The following PCNX1 variants were observed in gnomAD, a reference collection of about 807,000 sequenced individuals.
PCNX1 encodes the protein pecanex-like protein 1.
Under a neutral mutation model 242.2 loss-of-function variants are expected in PCNX1, and 78 were observed. That is an observed-to-expected ratio of 0.32 (90% CI 0.27 to 0.39). The LOEUF (loss-of-function observed/expected upper bound fraction) is 0.39. Ranked by LOEUF, PCNX1 falls within the 10% of genes least tolerant of loss-of-function variation. The probability of loss-of-function intolerance (pLI) is 1.00; values close to 1 mark genes in which losing one functional copy is unlikely to be tolerated. For synonymous variants in PCNX1, 1,024 were observed against 1,032.9 expected (o/e 0.99, Z 0.17); for missense variants, 2,581 against 2,856.5 (o/e 0.90, Z 2.20).
At chr14:70,976,269 G>T (rs955368275) in intron 5 of PCNX1, among the ~76,000 whole-genome samples, 4 of 152,100 alleles carry the variant, frequency 2.6e-5, no homozygotes, top group Non-Finnish European at 5.9e-5. Flanking sequence ...ATTTACAGGG[G>T]GGTAACCCAA....
chr14:70,947,969 T>A (rs2057526185), intron 2 of PCNX1, among the ~76,000 whole-genome samples: 1 of 152,188 alleles, frequency 6.6e-6, no homozygotes, highest in Admixed American at 6.5e-5. Context: ...AAATATGCCC[T>A]GGTCTCCAGC....
At chr14:70,965,151 C>T (rs2058338922) in intron 3 of PCNX1, among the ~76,000 whole-genome samples, 1 of 151,102 alleles carries the variant, frequency 6.6e-6, no homozygotes, top group Non-Finnish European at 1.5e-5. Flanking sequence ...CTGCCTTTCT[C>T]CCTTTCATCT....
intron 5 of PCNX1, among the ~76,000 whole-genome samples, chr14:70,973,250 C>T (rs1028000138): frequency 2.3e-5 from 3 of 132,380 alleles, no homozygotes; most frequent in African/African-American, 8.3e-5. Flanking sequence ...AACACTCTGT[C>T]TCAAAAAAAA....
chr14:70,939,211 T>C (rs897374297), intron 1 of PCNX1, among the ~76,000 whole-genome samples: 1 of 152,240 alleles, frequency 6.6e-6, no homozygotes, highest in Non-Finnish European at 1.5e-5. Context: ...CTAGTTCTTT[T>C]AATTGTGATG....
intron 32 of PCNX1, among the ~76,000 whole-genome samples, chr14:71,103,984 C>T (rs1233544374): frequency 5.9e-5 from 9 of 152,088 alleles, no homozygotes; most frequent in Non-Finnish European, 1.2e-4. Flanking sequence ...AATATTTGTT[C>T]TGTACAAACG....
Position 71,026,265 on chromosome 14 carries a change from T to C in PCNX1, c.3332T>C (p.Ile1111Thr), listed in dbSNP as rs777238078. The C allele has an allele frequency of 1.2e-6, 2 of 1,606,148 alleles. No homozygotes were observed. Among genetic ancestry groups the C allele is most frequent in the Non-Finnish European group, 1.7e-6 (2 of 1,175,768 alleles). ...GITFTNPLVFISARDLVIVFT... is the reference protein window; with the variant it reads ...GITFTNPLVFTSARDLVIVFT... Reference sequence around the variant, plus strand: ...ACTTTCACCAATCCACTGGTGTTTATATCAGCCAGGGATTTAGTTATAGGT... The same window carrying C: ...ACTTTCACCAATCCACTGGTGTTTACATCAGCCAGGGATTTAGTTATAGGT... The change falls in exon 14 of 36, where the codon ATA becomes ACA. Residue 1111 changes from isoleucine (I) to threonine (T), a missense_variant. Transcript: ENST00000304743.
chr14:70,911,367 T>G (rs535040191), intron 1 of PCNX1, among the ~76,000 whole-genome samples: 66 of 152,298 alleles, frequency 4.3e-4, no homozygotes, highest in African/African-American at 1.5e-3. Context: ...CAAACACTTT[T>G]GGTGTTTATT....
chr14:70,930,110 A>T (rs2056737623), intron 1 of PCNX1, among the ~76,000 whole-genome samples: 1 of 151,206 alleles, frequency 6.6e-6, no homozygotes, highest in Non-Finnish European at 1.5e-5. Context: ...GCCTGTGCAT[A>T]TGTTGTGTGT....
In PCNX1 at chr14:70,977,382, A is replaced by G; in HGVS notation, c.1045A>G (p.Thr349Ala). The G allele has an allele frequency of 6.2e-7, 1 of 1,614,146 alleles. No homozygotes were observed. The highest frequency in any genetic ancestry group is 8.5e-7 in the Non-Finnish European group (1 of 1,180,030). ...GCTTGCTGGTGACTTGAAAATCAATACTTCTCAGCCACCCACAAAAAGTGG... is the reference window on the plus strand; with the variant it reads ...GCTTGCTGGTGACTTGAAAATCAATGCTTCTCAGCCACCCACAAAAAGTGG... ...FQLAGDLKIN[T>A]SQPPTKSGKS... is the part of the protein sequence containing the mutation. Residue 349 changes from threonine to alanine, a missense_variant, in exon 6 of 36, where the codon ACT (threonine) becomes GCT (alanine). This residue lies in a region of PCNX1 where 1,204 missense variants were observed against 1,216.7 expected (regional missense o/e 0.99). Transcript: ENST00000304743.
intron 22 of PCNX1, among the ~76,000 whole-genome samples, chr14:71,048,205 TAAAAC>T (rs1258938656): frequency 6.6e-6 from 1 of 152,142 alleles, no homozygotes; most frequent in Non-Finnish European, 1.5e-5. Context: ...TAAAGTTACA[TAAAAC>T]AATTAGAGAA....
intron 1 of PCNX1, among the ~76,000 whole-genome samples, chr14:70,915,831 A>G (rs920765048): frequency 2.0e-5 from 3 of 152,178 alleles, no homozygotes; most frequent in East Asian, 1.9e-4. Context: ...AGAATGAGAA[A>G]TGGGTAGATA....
intron 2 of PCNX1, among the ~76,000 whole-genome samples, chr14:70,952,518 T>C (rs1004134812): frequency 2.0e-5 from 3 of 152,218 alleles, no homozygotes; most frequent in Non-Finnish European, 2.9e-5. Context: ...AATATATTTA[T>C]TTATTTTTGT....
intron 27 of PCNX1, among the ~76,000 whole-genome samples, chr14:71,075,069 A>G (rs2061682392): frequency 7.3e-6 from 1 of 137,598 alleles, no homozygotes; most frequent in Non-Finnish European, 1.5e-5. Flanking sequence ...ATCGTAGCTC[A>G]CTGCAGCCTT....
intron 28 of PCNX1, among the ~76,000 whole-genome samples, chr14:71,077,196 C>T (rs777114352): frequency 6.6e-6 from 1 of 152,142 alleles, no homozygotes; most frequent in Non-Finnish European, 1.5e-5. Context: ...ACTTCAGCAA[C>T]TACAGCTTTC....
chr14:70,922,797 C>A (rs866245091), intron 1 of PCNX1, among the ~76,000 whole-genome samples: 4 of 146,496 alleles, frequency 2.7e-5, no homozygotes, highest in African/African-American at 1.0e-4. Flanking sequence ...CAATGCTGGG[C>A]AATATATTAG....
intron 26 of PCNX1, among the ~76,000 whole-genome samples, chr14:71,069,533 C>T (rs765155611): frequency 2.0e-5 from 3 of 152,072 alleles, no homozygotes; most frequent in Non-Finnish European, 2.9e-5. Context: ...GGAGATATTG[C>T]ATGTTGGGTT....
At chr14:71,091,159 C>T (rs1453060917) in intron 30 of PCNX1, among the ~76,000 whole-genome samples, 1 of 152,006 alleles carries the variant, frequency 6.6e-6, no homozygotes, top group African/African-American at 2.4e-5. Context: ...TCTGATATAC[C>T]TTCTAGGAGG....
At chr14:70,924,949 A>G (rs1182767288) in intron 1 of PCNX1, among the ~76,000 whole-genome samples, 1 of 151,680 alleles carries the variant, frequency 6.6e-6, no homozygotes, top group Non-Finnish European at 1.5e-5. Context: ...TCAGATATGC[A>G]ATTATATTTG....
intron 33 of PCNX1, among the ~76,000 whole-genome samples, chr14:71,106,095 G>A (rs1377155911): frequency 1.3e-5 from 2 of 151,822 alleles, no homozygotes; most frequent in Admixed American, 6.6e-5. Flanking sequence ...CTCACTGCAA[G>A]CTCTGCCTCC....
Sources: allele counts gnomAD v4.1 joint callset (sites outside exome capture counted in the v4.1 genomes callset), GRCh38; gene constraint gnomAD v4.1.1; regional missense constraint gnomAD v4.1.1; transcripts MANE v1.5; gene names NCBI Gene and HGNC (gene_info 2026-07-23, HGNC 2026-07-21).